Variants in FHIP2A observed in about 807,000 individuals in gnomAD.
The protein encoded by FHIP2A is family with sequence similarity 160 member B1.
A neutral mutation model predicts 93.5 loss-of-function variants in FHIP2A; 46 were observed. That is an observed-to-expected ratio of 0.49 (90% CI 0.39 to 0.63). The LOEUF (loss-of-function observed/expected upper bound fraction) is 0.63, where lower values mean the gene tolerates loss of function less well. Among genes scored for constraint, FHIP2A ranks in the 20% least tolerant of loss-of-function variants. The probability of loss-of-function intolerance (pLI) is 0.00; values close to 1 mark genes in which losing one functional copy is unlikely to be tolerated. For missense variants in FHIP2A, 769 were observed against 909.7 expected, an observed-to-expected ratio of 0.85 and a Z score of 1.99; for synonymous variants, 332 against 326.5, an observed-to-expected ratio of 1.02 and a Z score of -0.18.
chr10:114,899,343 T>C (rs575084944), intron 16 of FHIP2A: 12 of 555,344 alleles, frequency 2.2e-5, no homozygotes, highest in Middle Eastern at 5.4e-4. Flanking sequence ...CTTAAGCTAG[T>C]GTAAGCACAA....
At position 114,843,894 on chromosome 10, in the gene FHIP2A, G is replaced by T. The variant is rs1479879634; in HGVS notation, c.970G>T (p.Val324Leu). 7 of 1,593,724 alleles carry T rather than the reference G, an allele frequency of 4.4e-6. No homozygotes were observed. Among genetic ancestry groups the T allele is most frequent in the Non-Finnish European group, 6.0e-6 (7 of 1,174,938 alleles). ...ASLYKALPQSVDPLDIETVEA... is the reference protein window; with the variant it reads ...ASLYKALPQSLDPLDIETVEA... The stretch of plus-strand genomic sequence containing the variant: ...CCTGTACAAGGCCCTACCTCAGTCA[G>T]TGGATCCGTTAGATATTGAAACCGT... The change falls in exon 7 of 17, where the codon GTG becomes TTG. Residue 324 changes from valine (V) to leucine (L), a missense_variant. Val to Leu is a conservative substitution (Grantham distance 32). Transcript: ENST00000369248.
intron 16 of FHIP2A, chr10:114,899,387 C>T (rs1034686676): frequency 4.7e-5 from 32 of 684,216 alleles, no homozygotes; most frequent in Middle Eastern, 4.7e-4. Context: ...GTTGAAAGTC[C>T]AGGAGTTGGT....
At chr10:114,888,072 C>G (rs1011623220) in intron 16 of FHIP2A, among the ~76,000 whole-genome samples, 1 of 152,174 alleles carries the variant, frequency 6.6e-6, no homozygotes, top group African/African-American at 2.4e-5. Flanking sequence ...CGATGATCTT[C>G]TCTGGCTATG....
At chr10:114,895,845 G>C (rs944278870) in intron 16 of FHIP2A, among the ~76,000 whole-genome samples, 4 of 152,148 alleles carry the variant, frequency 2.6e-5, no homozygotes, top group Non-Finnish European at 4.4e-5. Flanking sequence ...CTTGCCTCTT[G>C]GTAGCACATG....
intron 4 of FHIP2A, 49 bp downstream of exon 4, chr10:114,835,690 G>A: frequency 1.8e-6 from 2 of 1,107,304 alleles, no homozygotes. Flanking sequence ...TTCTTTTAAT[G>A]TTGAAATAAT....
intron 6 of FHIP2A, among the ~76,000 whole-genome samples, 160 bp from the exon 7 acceptor site, chr10:114,843,581 G>A (rs1400998030): frequency 6.6e-6 from 1 of 152,088 alleles, no homozygotes; most frequent in East Asian, 1.9e-4. Flanking sequence ...TGGGATTACA[G>A]GTGTGAAGCT....
chr10:114,827,359 G>T (rs1331161147), intron 1 of FHIP2A, among the ~76,000 whole-genome samples: 1 of 152,204 alleles, frequency 6.6e-6, no homozygotes, highest in African/African-American at 2.4e-5. Flanking sequence ...TGTCATGCCT[G>T]AGTTGGAAAC....
rs570595192 is a variant in FHIP2A at position 114,833,333 on chromosome 10, A to T, written c.225A>T (p.Thr75=). The change falls in exon 3 of 17, where the codon ACA becomes ACT. Residue 75 remains threonine, a synonymous_variant. Transcript: ENST00000369248. ...QEENERESGE[T]GPCMEYLLHH... is the part of the protein sequence containing the mutation. ...AAAATGAACGGGAATCTGGAGAGAC[A>T]GGGCCATGTATGGAATATTTGCTTC... 2.0e-5 allele frequency: 33 copies of T among 1,613,882 alleles called. No individual in the cohort carries two copies. The highest frequency in any genetic ancestry group is 2.7e-5 in the African/African-American group (2 of 74,940).
chr10:114,835,545 G>A lies in FHIP2A; in HGVS notation c.303G>A (p.Pro101=), dbSNP rs749225960. Residue 101 remains proline, a synonymous_variant, in exon 4 of 17, where the codon CCG becomes CCA. Coordinates refer to ENST00000369248, the MANE Select transcript of FHIP2A (RefSeq NM_020940.4). ...LYTLGKADCP[P]GMKQQVLVFY... ...TTTTTTCCTATACCCAGTGTCCTCC[G>A]GGAATGAAACAGCAGGTTTTGGTTT... 1.4e-5 allele frequency: 22 copies of A among 1,608,718 alleles called. No homozygotes were observed. The highest frequency in any genetic ancestry group is 1.6e-4 in the Middle Eastern group (1 of 6,066).
At chr10:114,833,593 A>G (rs2143010140) in intron 3 of FHIP2A, 191 bp downstream of exon 3, 2 of 491,406 alleles carry the variant, frequency 4.1e-6, no homozygotes, top group South Asian at 3.2e-5. Context: ...GATTCCAAAC[A>G]CTCTAGACAA....
chr10:114,855,066 C>G, intron 13 of FHIP2A, 131 bp from the exon 14 acceptor site: 2 of 875,562 alleles, frequency 2.3e-6, no homozygotes, highest in East Asian at 5.3e-5. Flanking sequence ...TCCCCCTCTC[C>G]CTTGGCACCT....
intron 12 of FHIP2A, among the ~76,000 whole-genome samples, chr10:114,847,553 T>C (rs1393744370): frequency 6.6e-6 from 1 of 152,136 alleles, no homozygotes; most frequent in Non-Finnish European, 1.5e-5. Context: ...CCTCCCAAAG[T>C]GTATAACATG....
At chr10:114,851,795 C>A (rs2083738435) in intron 13 of FHIP2A, among the ~76,000 whole-genome samples, 1 of 149,586 alleles carries the variant, frequency 6.7e-6, no homozygotes, top group African/African-American at 2.5e-5. Context: ...AGAAGTACAG[C>A]CATCCTAACA....
At chr10:114,888,641 C>T (rs577582269) in intron 16 of FHIP2A, among the ~76,000 whole-genome samples, 2 of 152,052 alleles carry the variant, frequency 1.3e-5, no homozygotes, top group South Asian at 2.1e-4. Context: ...CTTGCTCTGT[C>T]GCCCAGGCTG....
At chr10:114,892,012 G>A (rs2083977172) in intron 16 of FHIP2A, among the ~76,000 whole-genome samples, 1 of 152,044 alleles carries the variant, frequency 6.6e-6, no homozygotes, top group Non-Finnish European at 1.5e-5. Flanking sequence ...TAAGACATTG[G>A]TAGAAGGAGA....
chr10:114,831,286 A>G (rs1265141871), intron 2 of FHIP2A, among the ~76,000 whole-genome samples: 2 of 152,214 alleles, frequency 1.3e-5, no homozygotes, highest in Non-Finnish European at 2.9e-5. Context: ...GCTAAAGAGT[A>G]CGTTGGGGTG....
intron 11 of FHIP2A, among the ~76,000 whole-genome samples, 162 bp from the exon 12 acceptor site, chr10:114,846,928 A>G (rs1160382448): frequency 6.6e-6 from 1 of 152,236 alleles, no homozygotes; most frequent in Non-Finnish European, 1.5e-5. Flanking sequence ...CAATAACAAA[A>G]TAGTATAGAA....
At chr10:114,827,796 CAA>C (rs1193460267) in intron 1 of FHIP2A, among the ~76,000 whole-genome samples, 7 of 84,090 alleles carry the variant, frequency 8.3e-5, no homozygotes, top group Admixed American at 2.7e-4. Flanking sequence ...GACTCCATCT[CAA>C]AAAAAAAAAA....
At chr10:114,830,065 A>G (rs2083599028) in intron 1 of FHIP2A, among the ~76,000 whole-genome samples, 1 of 152,190 alleles carries the variant, frequency 6.6e-6, no homozygotes, top group African/African-American at 2.4e-5. Flanking sequence ...CACTGAATGT[A>G]GGGTACAGTT....
Sources: allele counts gnomAD v4.1 joint callset (sites outside exome capture counted in the v4.1 genomes callset), GRCh38; gene constraint gnomAD v4.1.1; transcripts MANE v1.5; gene names NCBI Gene and HGNC (gene_info 2026-07-23, HGNC 2026-07-21).